The following ITGAM variants were observed in gnomAD, a reference collection of about 807,000 sequenced individuals.
The protein encoded by ITGAM is integrin alpha-M.
A neutral mutation model predicts 137.5 loss-of-function variants in ITGAM; 79 were observed. That is an observed-to-expected ratio of 0.57 (90% CI 0.48 to 0.69). The LOEUF (loss-of-function observed/expected upper bound fraction) is 0.69. Among genes scored for constraint, ITGAM ranks in the 30% least tolerant of loss-of-function variants. ITGAM has a pLI of 0.00. For missense variants in ITGAM, 1,343 were observed against 1,483.5 expected, an observed-to-expected ratio of 0.91 and a Z score of 1.56; for synonymous variants, 583 against 592.3, an observed-to-expected ratio of 0.98 and a Z score of 0.23.
intron 5 of ITGAM, among the ~76,000 whole-genome samples, chr16:31,267,973 C>T (rs146388058): frequency 3.2e-4 from 48 of 152,196 alleles, no homozygotes; most frequent in African/African-American, 1.2e-3. Context: ...TGTTTTCTCT[C>T]TAGGACAATT....
intron 12 of ITGAM, among the ~76,000 whole-genome samples, chr16:31,290,838 A>G (rs2144359456): frequency 6.6e-6 from 1 of 152,262 alleles, no homozygotes; most frequent in East Asian, 1.9e-4. Context: ...ATTCCAAAGA[A>G]CCTATAAAAA....
chr16:31,312,957 T>A (rs962283123), intron 14 of ITGAM, among the ~76,000 whole-genome samples: 1 of 151,540 alleles, frequency 6.6e-6, no homozygotes, highest in Admixed American at 6.6e-5. Context: ...CAGTGGCTCA[T>A]GCCTGTAATC....
At chr16:31,290,968 C>A (rs1409453585) in intron 12 of ITGAM, among the ~76,000 whole-genome samples, 1 of 152,052 alleles carries the variant, frequency 6.6e-6, no homozygotes, top group Non-Finnish European at 1.5e-5. Context: ...GTACCATTTA[C>A]AATAGCATAA....
chr16:31,332,820 A>C lies in ITGAM; in HGVS notation c.*1113A>C, dbSNP rs983277822. ...AGTCTTCTTTTGATATACTATTTTC[A>C]TTCTCTTGTTATTGCATCAATGCTG... On this transcript the variant is annotated 3_prime_UTR_variant, in exon 30 of 30. Transcript: ENST00000544665. 1 of 152,206 alleles carries C rather than the reference A, an allele frequency of 6.6e-6. No homozygotes were observed. Among genetic ancestry groups the C allele is most frequent in the Non-Finnish European group, 1.5e-5 (1 of 68,034 alleles). 9.4% of individuals were successfully genotyped at this position (152,206 alleles called of 1,614,324 possible).
Position 31,326,878 on chromosome 16 carries a change from A to G in ITGAM, c.2651A>G (p.Asp884Gly). 1.2e-6 allele frequency: 2 copies of G among 1,612,618 alleles called. No individual in the cohort carries two copies. Among genetic ancestry groups the G allele is most frequent in the Non-Finnish European group, 1.7e-6 (2 of 1,178,756 alleles). Residue 884 changes from aspartate to glycine, a missense_variant, in exon 22 of 30, where the codon GAT becomes GGT. Transcript: ENST00000544665. ...NSEVTFNITF[D>G]VDSKASLGNK... The stretch of plus-strand genomic sequence containing the variant: ...CAGGTCACCTTTAATATCACGTTTG[A>G]TGTAGACTCTAAGGCTTCCCTTGGA...
At chr16:31,311,174 AAAAACCCTAGAAG>A (rs1178076423) in intron 14 of ITGAM, among the ~76,000 whole-genome samples, 2 of 152,258 alleles carry the variant, frequency 1.3e-5, no homozygotes, top group Non-Finnish European at 2.9e-5. Context: ...CTAAAACCAT[AAAAACCCTAGAAG>A]AAAACCTAGG....
At chr16:31,279,579 G>A (rs1212989513) in intron 12 of ITGAM, among the ~76,000 whole-genome samples, 1 of 152,118 alleles carries the variant, frequency 6.6e-6, no homozygotes, top group Non-Finnish European at 1.5e-5. Context: ...AGTTTTTGAT[G>A]GGGTTGTTTG....
Position 31,321,310 on chromosome 16 carries a change from C to G in ITGAM, c.1777C>G (p.Leu593Val). ...FGQSLSGGQD[L>V]TMDGLVDLTV... ...TCAGTCACTGAGTGGGGGCCAGGACCTCACAATGGATGGACTGGTAGACCT... is the reference window on the plus strand; with the variant it reads ...TCAGTCACTGAGTGGGGGCCAGGACGTCACAATGGATGGACTGGTAGACCT... Residue 593 changes from leucine to valine, a missense_variant, in exon 15 of 30, where the codon CTC (leucine) becomes GTC (valine). Coordinates refer to ENST00000544665, the MANE Select transcript of ITGAM (RefSeq NM_000632.4). 1.2e-6 allele frequency: 2 copies of G among 1,614,016 alleles called. No homozygotes were observed. The highest frequency in any genetic ancestry group is 1.7e-6 in the Non-Finnish European group (2 of 1,179,888).
At chr16:31,294,627 G>T (rs2080116144) in intron 12 of ITGAM, among the ~76,000 whole-genome samples, 1 of 152,104 alleles carries the variant, frequency 6.6e-6, no homozygotes, top group Non-Finnish European at 1.5e-5. Context: ...TGCTGGATTT[G>T]GTTTGCAGGT....
chr16:31,328,352 G>A, intron 23 of ITGAM, 122 bp downstream of exon 23: 1 of 788,222 alleles, frequency 1.3e-6, no homozygotes, highest in Non-Finnish European at 2.2e-6. Flanking sequence ...CTCTGTGCAT[G>A]TATGTGTGCA....
intron 14 of ITGAM, among the ~76,000 whole-genome samples, chr16:31,306,969 CAT>C (rs143678606): frequency 0.086 from 13,053 of 152,092 alleles, 738 homozygotes; most frequent in Middle Eastern, 0.19. Context: ...GAAAAACACA[CAT>C]AAACGCAAGT....
chr16:31,329,137 G>C (rs373452209), intron 23 of ITGAM, 91 bp from the exon 24 acceptor site: 2 of 652,750 alleles, frequency 3.1e-6, no homozygotes. Flanking sequence ...TTACCCATGT[G>C]CCTGTTCGCT....
intron 12 of ITGAM, 104 bp downstream of exon 12, chr16:31,278,213 G>A (rs565185351): frequency 1.6e-6 from 2 of 1,263,934 alleles, no homozygotes; most frequent in Admixed American, 4.9e-5. Context: ...TCTTGTAAAG[G>A]AGGCTTTGGG....
chr16:31,273,754 C>T (rs2079877481), intron 8 of ITGAM: 1 of 395,294 alleles, frequency 2.5e-6, no homozygotes, highest in Admixed American at 4.2e-5. Flanking sequence ...GTTCTGGTCT[C>T]AATGGCCTTC....
intron 2 of ITGAM, among the ~76,000 whole-genome samples, chr16:31,264,904 G>A (rs1042366212): frequency 3.3e-5 from 5 of 152,090 alleles, no homozygotes; most frequent in African/African-American, 1.2e-4. Flanking sequence ...GTCTTGCCCT[G>A]TCTCTCAGGC....
intron 14 of ITGAM, among the ~76,000 whole-genome samples, chr16:31,304,261 T>G (rs563946475): frequency 6.6e-6 from 1 of 152,346 alleles, no homozygotes; most frequent in East Asian, 1.9e-4. Flanking sequence ...TTTGTATATC[T>G]TCTTTTGAGA....
intron 14 of ITGAM, among the ~76,000 whole-genome samples, chr16:31,319,291 TTTC>T (rs1234884563): frequency 6.6e-6 from 1 of 152,070 alleles, no homozygotes; most frequent in Non-Finnish European, 1.5e-5. Context: ...GATTTTGAAG[TTTC>T]TTACTATTGA....
At chr16:31,329,380 A>G in intron 24 of ITGAM, 77 bp downstream of exon 24, 1 of 1,099,520 alleles carries the variant, frequency 9.1e-7, no homozygotes, top group East Asian at 2.5e-5. Flanking sequence ...AGAAACAGGG[A>G]TGGGAAATGT....
In ITGAM at chr16:31,270,501, C is replaced by G. The variant is rs2079821188; in HGVS notation, c.428-453C>G. Among the ~76,000 whole-genome samples the G allele has an allele frequency of 2.7e-5, 4 of 149,614 alleles. No homozygotes were observed. The Admixed American group carries it at 2.7e-4, about 10-fold the overall frequency. On this transcript the variant is annotated intron_variant, in intron 5 of 29. Transcript: ENST00000544665. ...CGAAAATTTTCCATACCACTTTGTC[C>G]TTGTTTATTTACTTATTTATTTATT...
Sources: gnomAD v4.1 joint callset for allele counts (sites outside exome capture counted in the v4.1 genomes callset) on GRCh38, gnomAD v4.1.1 for gene constraint, MANE v1.5 for transcripts, NCBI Gene and HGNC (gene_info 2026-07-23, HGNC 2026-07-21) for gene names.